Variants in BCAR3 observed in about 807,000 individuals in gnomAD.
BCAR3 encodes BCAR3 adaptor protein, NSP family member.
A neutral mutation model predicts 80.1 loss-of-function variants in BCAR3; 37 were observed. The observed-to-expected ratio is 0.46, with a 90% CI of 0.36 to 0.61. The LOEUF (loss-of-function observed/expected upper bound fraction) is 0.61. BCAR3 is among the 20% of genes least tolerant of loss of function. The pLI, the probability that BCAR3 is intolerant of heterozygous loss-of-function variation, is 0.00. For missense variants in BCAR3, 978 were observed against 1,068.2 expected (o/e 0.92, Z 1.18); for synonymous variants, 389 against 418.9 (o/e 0.93, Z 0.87).
chr1:93,672,975 G>A lies in BCAR3; in HGVS notation c.317+1639C>T, dbSNP rs117781457. ...ACAGGCCATTCCAGTTCCTTTTGGG[G>A]TTTTCAAACATGCCAAACTTGCTCC... On this transcript the variant is annotated intron_variant, in intron 2 of 11. Transcript: ENST00000260502. 3.0e-3 allele frequency among the ~76,000 whole-genome samples: 456 copies of A among 152,242 alleles called. 3 individuals carry two copies. The East Asian group carries it at 0.031, about 10-fold the overall frequency.
At chr1:93,564,641 T>A (rs1672864920) in intron 11 of BCAR3, among the ~76,000 whole-genome samples, 1 of 152,256 alleles carries the variant, frequency 6.6e-6, no homozygotes. Context: ...CAGAAGGTTA[T>A]ACTTTAGCTC....
intron 7 of BCAR3, among the ~76,000 whole-genome samples, chr1:93,578,141 G>T (rs3754191): frequency 3.3e-5 from 5 of 152,190 alleles, no homozygotes; most frequent in African/African-American, 1.2e-4. Context: ...CTGCTCTGCT[G>T]CATCTCTGGA....
intron 2 of BCAR3, among the ~76,000 whole-genome samples, chr1:93,725,247 A>G (rs766402933): frequency 1.3e-5 from 2 of 152,240 alleles, no homozygotes; most frequent in African/African-American, 2.4e-5. Context: ...TCAAAAATAT[A>G]TACTGAATGA....
chr1:93,799,622 G>A (rs1653406662), intron 2 of BCAR3, among the ~76,000 whole-genome samples: 1 of 152,094 alleles, frequency 6.6e-6, no homozygotes, highest in Admixed American at 6.5e-5. Context: ...CTTATGTCTT[G>A]TTTCAGCTAA....
chr1:93,685,162 A>G (rs1489142385), upstream of BCAR3, among the ~76,000 whole-genome samples: 4 of 152,220 alleles, frequency 2.6e-5, no homozygotes, highest in Admixed American at 6.5e-5. Context: ...TAATTTAAAT[A>G]TAATTTTTTG....
chr1:93,742,832 A>G (rs60114825), intron 2 of BCAR3, among the ~76,000 whole-genome samples: 2,736 of 152,252 alleles, frequency 0.018, 76 homozygotes, highest in African/African-American at 0.063. Context: ...CCCACATATA[A>G]TTATTTCAGA....
chr1:93,589,030 G>A lies in BCAR3; in HGVS notation c.876C>T (p.Thr292=). The part of the protein sequence containing the change: ...RPDVAKRLSL[T]MGGVQAREQN... ...GCTCTCGGGCCTGGACGCCACCCAT[G>A]GTGAGGCTCAGCCTCTTGGCCACAT... Residue 292 remains threonine (T), a synonymous_variant, in exon 5 of 12, where the codon ACC becomes ACT. Transcript: ENST00000260502. 6.2e-7 allele frequency: 1 copy of A among 1,605,148 alleles called. No individual in the cohort carries two copies. The highest frequency in any genetic ancestry group is 8.5e-7 in the Non-Finnish European group (1 of 1,173,622).
intron 3 of BCAR3, chr1:93,602,577 A>C (rs1418099478): frequency 3.3e-5 from 5 of 152,200 alleles, no homozygotes; most frequent in Admixed American, 3.3e-4. Flanking sequence ...TCCAACCCGA[A>C]ATGAAGTTCT....
intron 2 of BCAR3, among the ~76,000 whole-genome samples, chr1:93,713,942 G>T (rs962090379): frequency 2.6e-5 from 4 of 152,164 alleles, no homozygotes; most frequent in East Asian, 3.8e-4. Context: ...AAATGCAGGT[G>T]GGGGAGAGGC....
intron 3 of BCAR3, among the ~76,000 whole-genome samples, chr1:93,625,172 C>T (rs1675420824): frequency 6.6e-6 from 1 of 152,210 alleles, no homozygotes; most frequent in South Asian, 2.1e-4. Context: ...GATTGCACCA[C>T]TGCACTCCAG....
chr1:93,619,949 T>G (rs1473532095), intron 3 of BCAR3, among the ~76,000 whole-genome samples: 3 of 152,214 alleles, frequency 2.0e-5, no homozygotes, highest in Non-Finnish European at 4.4e-5. Context: ...AGCCTTAGTT[T>G]CCTCCCCAGA....
intron 1 of BCAR3, among the ~76,000 whole-genome samples, chr1:93,675,845 A>C (rs1008521551): frequency 6.6e-6 from 1 of 151,314 alleles, no homozygotes; most frequent in African/African-American, 2.4e-5. Flanking sequence ...TCCAGCTCCA[A>C]AGCAAACTAT....
intron 3 of BCAR3, among the ~76,000 whole-genome samples, chr1:93,693,140 G>A (rs562719983): frequency 2.6e-5 from 4 of 152,252 alleles, no homozygotes; most frequent in East Asian, 1.9e-4. Context: ...AAGCCTCCCA[G>A]TGACCTGTGT....
intron 2 of BCAR3, among the ~76,000 whole-genome samples, chr1:93,815,174 G>T (rs964613504): frequency 6.6e-6 from 1 of 152,142 alleles, no homozygotes; most frequent in African/African-American, 2.4e-5. Context: ...AGGTCCCACC[G>T]GGCCTCTTGG....
intron 5 of BCAR3, chr1:93,585,119 CA>C: frequency 1.0e-6 from 1 of 984,864 alleles, no homozygotes; most frequent in Non-Finnish European, 1.2e-6. Context: ...AAGCAGTGAC[CA>C]CTGCGGCTGG....
chr1:93,655,090 C>G (rs746024555), intron 2 of BCAR3, among the ~76,000 whole-genome samples: 1 of 152,106 alleles, frequency 6.6e-6, no homozygotes, highest in Admixed American at 6.6e-5. Context: ...GCGCAGCGTT[C>G]GGGGCAGCAG....
intron 3 of BCAR3, among the ~76,000 whole-genome samples, chr1:93,641,425 T>C (rs1675973966): frequency 6.6e-6 from 1 of 152,144 alleles, no homozygotes; most frequent in Admixed American, 6.5e-5. Context: ...CTACGATTTC[T>C]CCCAAAAAAT....
chr1:93,582,156 T>G, intron 7 of BCAR3, 145 bp downstream of exon 7: 1 of 1,085,398 alleles, frequency 9.2e-7, no homozygotes, highest in South Asian at 1.8e-5. Context: ...GACTTTCCTA[T>G]GGGCAAAGCA....
At chr1:93,699,557 TCA>T (rs971493931) in intron 3 of BCAR3, among the ~76,000 whole-genome samples, 2 of 152,122 alleles carry the variant, frequency 1.3e-5, no homozygotes, top group African/African-American at 2.4e-5. Flanking sequence ...TATACCGGCC[TCA>T]GTGATTCTCT....
Sources: allele counts gnomAD v4.1 joint callset (sites outside exome capture counted in the v4.1 genomes callset), GRCh38; gene constraint gnomAD v4.1.1; transcripts MANE v1.5; gene names NCBI Gene and HGNC (gene_info 2026-07-23, HGNC 2026-07-21).